PLPPR3: variants seen among roughly 807,000 people sequenced by gnomAD.
PLPPR3 encodes phospholipid phosphatase-related protein type 3.
Under a neutral mutation model 27.3 loss-of-function variants are expected in PLPPR3, and 14 were observed. That is an observed-to-expected ratio of 0.51 (90% CI 0.34 to 0.80). The LOEUF (loss-of-function observed/expected upper bound fraction) is 0.80, where lower values mean the gene tolerates loss of function less well. Ranked by LOEUF, PLPPR3 falls within the 30% of genes least tolerant of loss-of-function variation. The pLI, the probability that PLPPR3 is intolerant of heterozygous loss-of-function variation, is 0.01. For synonymous variants in PLPPR3, 671 were observed against 508.0 expected (o/e 1.32, Z -4.32); for missense variants, 1,287 against 1,056.9 (o/e 1.22, Z -3.02).
intron 2 of PLPPR3, among the ~76,000 whole-genome samples, chr19:819,878 GTCAT>G (rs1189609459): frequency 2.0e-5 from 3 of 152,182 alleles, no homozygotes; most frequent in Non-Finnish European, 4.4e-5. Flanking sequence ...GTCTGGCTCT[GTCAT>G]CCAGGCTGAA....
chr19:815,406 C>T, intron 3 of PLPPR3, 79 bp from the exon 4 acceptor site: 2 of 1,397,170 alleles, frequency 1.4e-6, no homozygotes, highest in South Asian at 1.4e-5. Flanking sequence ...CTGCAGTGCC[C>T]ACAGGCTGGC....
At chr19:823,455 A>AAAAAAAAACAAAAC (rs1568289373), upstream of PLPPR3, among the ~76,000 whole-genome samples, 7 of 131,986 alleles carry the variant, frequency 5.3e-5, no homozygotes, top group Admixed American at 4.8e-4. Context: ...AAAAAAAAAA[A>AAAAAAAAACAAAAC]AAACAAACAA....
upstream of PLPPR3, among the ~76,000 whole-genome samples, chr19:823,457 A>AAAAAAAAAC (rs2035179450): frequency 7.3e-6 from 1 of 136,328 alleles, no homozygotes; most frequent in African/African-American, 3.5e-5. Context: ...AAAAAAAAAA[A>AAAAAAAAAC]ACAAACAAAC....
At chr19:814,839 G>A (rs775093716) in intron 5 of PLPPR3, 47 bp downstream of exon 5, 108 of 1,588,088 alleles carry the variant, frequency 6.8e-5, no homozygotes, top group Middle Eastern at 6.7e-4. Context: ...CATGTTCACC[G>A]GGGCGGAAGA....
chr19:812,658 G>A lies in PLPPR3; in HGVS notation c.2069C>T (p.Ala690Val), dbSNP rs3746136. 0.031 allele frequency: 33,171 copies of A among 1,071,148 alleles called. 651 individuals carry two copies. Among genetic ancestry groups the A allele is most frequent in the Admixed American group, 0.08 (1,395 of 17,532 alleles). The allele number at this position is 1,071,148 out of a possible 1,614,324, so 66.4% of individuals were successfully genotyped here. A position where few individuals can be genotyped will look rare whatever the true frequency, so the allele number is the denominator to read the frequency against. Residue 690 changes from alanine (A) to valine (V), a missense_variant, in exon 8 of 8, where the codon GCG (alanine) becomes GTG (valine). Physicochemically the swap from Ala to Val is moderately conservative, Grantham distance 64. Transcript: ENST00000520876. Reference sequence around the variant, plus strand: ...GCGCTCCGCCAGCCCCAGGCCGCCCGCGTGGCGCCGCAGCGTGGACTCCCG... The same window carrying A: ...GCGCTCCGCCAGCCCCAGGCCGCCCACGTGGCGCCGCAGCGTGGACTCCCG... The part of the protein sequence containing the change: ...GSRESTLRRH[A>V]GGLGLAEREA...
In PLPPR3 at chr19:813,273, G is replaced by C; in HGVS notation, c.1454C>G (p.Pro485Arg). ...CAGCGGCGGCGGCCCCGCGCGCGGT[G>C]GGAGGATGACCCGAGGCCCCAGCCC... Reference protein sequence around the residue: ...RPGLGPRVILPPRAGPPPLVH... With the variant: ...RPGLGPRVILRPRAGPPPLVH... Residue 485 changes from proline (P) to arginine (R), a missense_variant, in exon 8 of 8, where the codon CCA becomes CGA. Transcript: ENST00000520876. The surrounding 1 kb of genome is among the most constrained non-coding windows in gnomAD (Gnocchi z 4.1). The C allele has an allele frequency of 6.8e-7, 1 of 1,475,120 alleles. No homozygotes were observed. Among genetic ancestry groups the C allele is most frequent in the South Asian group, 1.3e-5 (1 of 77,034 alleles). The allele number at this position is 1,475,120 out of a possible 1,614,324, so 91.4% of individuals were successfully genotyped here. A position where few individuals can be genotyped will look rare whatever the true frequency, so the allele number is the denominator to read the frequency against.
intron 2 of PLPPR3, among the ~76,000 whole-genome samples, chr19:819,544 C>T (rs760339398): frequency 6.6e-6 from 1 of 152,150 alleles, no homozygotes; most frequent in South Asian, 2.1e-4. Context: ...CCCACCTCGG[C>T]CTCCCAAAGT....
chr19:819,681 C>T (rs2145081892), intron 2 of PLPPR3, among the ~76,000 whole-genome samples: 1 of 152,136 alleles, frequency 6.6e-6, no homozygotes, highest in East Asian at 1.9e-4. Flanking sequence ...TGGGAGGGAC[C>T]CACTTGCCCG....
At position 813,136 on chromosome 19, in the gene PLPPR3, C is replaced by T. The variant is rs754445049; in HGVS notation, c.1591G>A (p.Ala531Thr). 1 of 1,511,570 alleles carries T rather than the reference C, an allele frequency of 6.6e-7. No individual in the cohort carries two copies. The highest frequency in any genetic ancestry group is 8.8e-7 in the Non-Finnish European group (1 of 1,140,966). The allele number at this position is 1,511,570 out of a possible 1,614,324, so 93.6% of individuals were successfully genotyped here. The change falls in exon 8 of 8, where the codon GCC (alanine) becomes ACC (threonine). Residue 531 changes from alanine to threonine, a missense_variant. By Grantham distance (58) the Ala-to-Thr change is moderately conservative. Coordinates refer to ENST00000520876, the MANE Select transcript of PLPPR3 (RefSeq NM_001270366.2). This position sits in a 1 kb window ranked among gnomAD's most constrained non-coding sequence, Gnocchi z 4.1. ...MMAEKSGAAVANPPRLLQVIA... is the reference protein window; with the variant it reads ...MMAEKSGAAVTNPPRLLQVIA... ...ACCTGCAGCAGCCGCGGAGGGTTGGCCACTGCCGCCCCGCTCTTCTCGGCC... is the reference window on the plus strand; with the variant it reads ...ACCTGCAGCAGCCGCGGAGGGTTGGTCACTGCCGCCCCGCTCTTCTCGGCC...
chr19:821,660 G>T (rs1470491667), intron 1 of PLPPR3, 75 bp from the exon 2 acceptor site: 7 of 795,124 alleles, frequency 8.8e-6, no homozygotes, highest in African/African-American at 1.8e-5. Context: ...CGGCGCCGGC[G>T]GGGGAGGGGC....
rs1312500822 is a variant in PLPPR3 at position 819,100 on chromosome 19, C to T, written c.75+2385G>A. Among the ~76,000 whole-genome samples, 4 of 108,710 alleles carry T rather than the reference C, an allele frequency of 3.7e-5. 1 individual carries two copies. Among genetic ancestry groups the T allele is most frequent in the African/African-American group, 1.3e-4 (3 of 23,454 alleles). 71.3% of individuals were successfully genotyped at this position (108,710 alleles called of 152,430 possible). ...CAAGCGATTCTCCCACCTCAGCCTCCGGAGTAGCTGAGACTACAGGCACAC... is the reference window on the plus strand; with the variant it reads ...CAAGCGATTCTCCCACCTCAGCCTCTGGAGTAGCTGAGACTACAGGCACAC... On this transcript the variant is annotated intron_variant, in intron 2 of 7. Coordinates refer to ENST00000520876, the MANE Select transcript of PLPPR3 (RefSeq NM_001270366.2).
chr19:822,409 G>T (rs1394946529), upstream of PLPPR3, among the ~76,000 whole-genome samples: 3 of 151,998 alleles, frequency 2.0e-5, no homozygotes, highest in Non-Finnish European at 4.4e-5. Context: ...CGCGGAGCCC[G>T]CCGCTCGCTG....
rs1458121137 is a variant in PLPPR3, at chr19:813,278, G to A, written c.1449C>T (p.Ile483=). The A allele has an allele frequency of 4.7e-6, 7 of 1,474,862 alleles. No individual in the cohort carries two copies. The highest frequency in any genetic ancestry group is 4.5e-5 in the African/African-American group (3 of 67,026). The allele number at this position is 1,474,862 out of a possible 1,614,324, so 91.4% of individuals were successfully genotyped here. A position where few individuals can be genotyped will look rare whatever the true frequency, so the allele number is the denominator to read the frequency against. ...GCGGCGGCCCCGCGCGCGGTGGGAG[G>A]ATGACCCGAGGCCCCAGCCCCGGCC... ...QARPGLGPRV[I]LPPRAGPPPL... Residue 483 remains isoleucine (I), a synonymous_variant, in exon 8 of 8, where the codon ATC becomes ATT. Coordinates refer to ENST00000520876, the MANE Select transcript of PLPPR3 (RefSeq NM_001270366.2). This position sits in a 1 kb window ranked among gnomAD's most constrained non-coding sequence, Gnocchi z 4.1.
At position 815,803 on chromosome 19, in the gene PLPPR3, T is replaced by G. The variant is rs746386137; in HGVS notation, c.124A>C (p.Thr42Pro). ...ACCTTGGCCGGCTTGAAGAGGTCGG[T>G]CAGCTCCAGGAAGTACAAGGATACG... ...SIVSLYFLEL[T>P]DLFKPAKVGF... The change falls in exon 3 of 8, where the codon ACC (threonine) becomes CCC (proline). Residue 42 changes from threonine (T) to proline (P), a missense_variant. Physicochemically the swap from Thr to Pro is conservative, Grantham distance 38 (BLOSUM62 -1). Transcript: ENST00000520876. 8 of 1,612,780 alleles carry G rather than the reference T, an allele frequency of 5.0e-6. No homozygotes were observed. The Middle Eastern group carries it at 1.2e-3, about 233-fold the overall frequency.
rs1025676699 is a variant in PLPPR3, at chr19:813,833, G to A, written c.894C>T (p.Pro298=). 6.7e-7 allele frequency: 1 copy of A among 1,485,838 alleles called. No individual in the cohort carries two copies. The highest frequency in any genetic ancestry group is 8.9e-7 in the Non-Finnish European group (1 of 1,126,376). 92.0% of individuals were successfully genotyped at this position (1,485,838 alleles called of 1,614,324 possible). The change falls in exon 8 of 8, where the codon CCC becomes CCT. Residue 298 remains proline, a synonymous_variant. Coordinates refer to ENST00000520876, the MANE Select transcript of PLPPR3 (RefSeq NM_001270366.2). This position sits in a 1 kb window ranked among gnomAD's most constrained non-coding sequence, Gnocchi z 4.1. The stretch of plus-strand genomic sequence containing the variant: ...TCAGGGCCCGCAGCGCGTCCTTGGC[G>A]GGGGCCGGGGCCGCGGGCTTCTCTG... ...PPAEKPAAPA[P]AKDALRALTQ... is the part of the protein sequence containing the mutation.
At chr19:818,361 C>T (rs1052545809) in intron 2 of PLPPR3, among the ~76,000 whole-genome samples, 12 of 151,800 alleles carry the variant, frequency 7.9e-5, no homozygotes, top group Admixed American at 3.9e-4. Flanking sequence ...CCAGCTTGGG[C>T]AAGACAGCAG....
In PLPPR3 at chr19:821,522, T is replaced by C; in HGVS notation, c.38A>G (p.Asp13Gly). The change falls in exon 2 of 8, where the codon GAC (aspartate) becomes GGC (glycine). Residue 13 changes from aspartate to glycine, a missense_variant. Physicochemically the swap from Asp to Gly is moderately conservative, Grantham distance 94. Transcript: ENST00000520876. ...STKEKNKIPKDSMTLLPCFYF... is the reference protein window; with the variant it reads ...STKEKNKIPKGSMTLLPCFYF... ...GAAGCAGGGCAGAAGCGTCATGCTG[T>C]CCTTCGGGATCTTGTTCTTCTCCTT... 6.6e-7 allele frequency: 1 copy of C among 1,507,930 alleles called. No individual in the cohort carries two copies. The highest frequency in any genetic ancestry group is 2.8e-5 in the East Asian group (1 of 35,732). The allele number at this position is 1,507,930 out of a possible 1,614,324, so 93.4% of individuals were successfully genotyped here.
At position 814,481 on chromosome 19, in the gene PLPPR3, C is replaced by A; in HGVS notation, c.784G>T (p.Asp262Tyr). 6.2e-7 allele frequency: 1 copy of A among 1,609,832 alleles called. No homozygotes were observed. The highest frequency in any genetic ancestry group is 2.2e-5 in the East Asian group (1 of 44,856). The change falls in exon 7 of 8, where the codon GAC becomes TAC. Residue 262 changes from aspartate (D) to tyrosine (Y), a missense_variant. Transcript: ENST00000520876. ...QITQYRSHPV[D>Y]VYAGFLIGAG... ...CCGATGAGGAAGCCGGCATACACGT[C>A]CACAGGGTGGCTGCGGTACTGCGTG...
In PLPPR3 at chr19:815,711, C is replaced by T. The variant is rs544628596; in HGVS notation, c.216G>A (p.Pro72=). ...AGGCCAAGCTGAGCAGCATCAGCAG[C>T]GGGATGAGCTCCTCGTTGGTCTCCA... is the stretch of plus-strand genomic sequence containing the variant. The part of the protein sequence containing the change: ...PYVETNEELI[P]LLMLLSLAFA... Residue 72 remains proline (P), a synonymous_variant, in exon 3 of 8, where the codon CCG becomes CCA. Transcript: ENST00000520876. 4.4e-6 allele frequency: 7 copies of T among 1,608,212 alleles called. No homozygotes were observed. Among genetic ancestry groups the T allele is most frequent in the East Asian group, 2.2e-5 (1 of 44,550 alleles).
Sources: gnomAD v4.1 joint callset for allele counts (sites outside exome capture counted in the v4.1 genomes callset) on GRCh38, gnomAD v4.1.1 for gene constraint, Gnocchi (gnomAD v3.1) non-coding constraint, MANE v1.5 for transcripts, NCBI Gene and HGNC (gene_info 2026-07-23, HGNC 2026-07-21) for gene names.